The following NELL1 variants were observed in gnomAD, a reference collection of about 807,000 sequenced individuals.
NELL1 encodes the protein neural EGFL like 1.
NELL1 carries 76 observed loss-of-function variants against 107.4 expected under a neutral mutation model. That is an observed-to-expected ratio of 0.71 (90% confidence interval 0.59 to 0.86). The LOEUF (loss-of-function observed/expected upper bound fraction) is 0.86. NELL1 is among the 40% of genes least tolerant of loss of function. The probability of loss-of-function intolerance (pLI) is 0.00; values close to 1 mark genes in which losing one functional copy is unlikely to be tolerated. For missense variants in NELL1, 1,024 were observed against 1,005.5 expected, an observed-to-expected ratio of 1.02 and a Z score of -0.25; for synonymous variants, 353 against 341.2, an observed-to-expected ratio of 1.03 and a Z score of -0.38.
At position 21,023,643 on chromosome 11, in the gene NELL1, A is replaced by G. The variant is rs1852750547; in HGVS notation, c.1300+63083A>G. ...GGGAATACTCCCTACCTAGAAAACA[A>G]CTTCCTGCATGTCTTACTACTTAGA... On this transcript the variant is annotated intron_variant, in intron 12 of 19. Coordinates refer to ENST00000357134, the MANE Select transcript of NELL1 (RefSeq NM_006157.5). Among the ~76,000 whole-genome samples, 3 of 152,066 alleles carry G rather than the reference A, an allele frequency of 2.0e-5. No individual in the cohort carries two copies. In the South Asian group the frequency reaches 6.2e-4, roughly 31 times the overall value.
chr11:20,732,721 G>A (rs1288113696), intron 2 of NELL1, among the ~76,000 whole-genome samples: 1 of 152,194 alleles, frequency 6.6e-6, no homozygotes, highest in Non-Finnish European at 1.5e-5. Flanking sequence ...ATGAGTTCAT[G>A]TGGCAAGACA....
At chr11:20,823,840 C>T (rs1333204617) in intron 3 of NELL1, among the ~76,000 whole-genome samples, 2 of 151,210 alleles carry the variant, frequency 1.3e-5, no homozygotes, top group Non-Finnish European at 3.0e-5. Context: ...AATGCCCCTG[C>T]ACCTGCCCCG....
At chr11:21,099,816 T>G (rs1469771211) in intron 12 of NELL1, among the ~76,000 whole-genome samples, 1 of 152,192 alleles carries the variant, frequency 6.6e-6, no homozygotes, top group Non-Finnish European at 1.5e-5. Flanking sequence ...CTCAGGGGCA[T>G]GCCTGTTTTC....
At chr11:21,216,714 A>G (rs559851560) in intron 13 of NELL1, among the ~76,000 whole-genome samples, 2 of 152,132 alleles carry the variant, frequency 1.3e-5, no homozygotes, top group Non-Finnish European at 2.9e-5. Context: ...GAGCACGTAT[A>G]TTTGCCCAAT....
chr11:21,144,885 G>A (rs1855943911), intron 13 of NELL1, among the ~76,000 whole-genome samples: 1 of 152,140 alleles, frequency 6.6e-6, no homozygotes, highest in South Asian at 2.1e-4. Flanking sequence ...GCTGTTTCAT[G>A]GTGCTCTTTA....
At chr11:20,744,042 C>A (rs1030438278) in intron 2 of NELL1, among the ~76,000 whole-genome samples, 1 of 152,068 alleles carries the variant, frequency 6.6e-6, no homozygotes, top group African/African-American at 2.4e-5. Context: ...TGATTAGTAC[C>A]ATCTCCTCTA....
At chr11:21,378,022 A>C (rs1851519256) in intron 15 of NELL1, among the ~76,000 whole-genome samples, 2 of 152,034 alleles carry the variant, frequency 1.3e-5, no homozygotes, top group Middle Eastern at 3.2e-3. Context: ...TGTAATTAGC[A>C]GTACACCTCC....
intron 14 of NELL1, among the ~76,000 whole-genome samples, chr11:21,325,826 G>A (rs1292011532): frequency 6.6e-6 from 1 of 151,866 alleles, no homozygotes; most frequent in Non-Finnish European, 1.5e-5. Flanking sequence ...CAACTGATCT[G>A]ATTTCTTTCA....
intron 2 of NELL1, among the ~76,000 whole-genome samples, chr11:20,771,586 A>G (rs1479900115): frequency 6.6e-6 from 1 of 152,202 alleles, no homozygotes; most frequent in Non-Finnish European, 1.5e-5. Context: ...GAAAAGTCAT[A>G]TGATTAAGAT....
rs530144908 is a variant in NELL1 at position 20,751,764 on chromosome 11, A to G, written c.185-31916A>G. ...CTCAGCCTTCTGAGTCATTGGGATT[A>G]CAGACGTTAATCACCATGGCCAGCT... On this transcript the variant is annotated intron_variant, in intron 2 of 19. Transcript: ENST00000357134. Among the ~76,000 whole-genome samples, 8 of 152,326 alleles carry G rather than the reference A, an allele frequency of 5.3e-5. No homozygotes were observed. In the East Asian group the frequency reaches 1.5e-3, roughly 29 times the overall value.
intron 3 of NELL1, among the ~76,000 whole-genome samples, chr11:20,840,722 T>G (rs1204164292): frequency 1.3e-5 from 2 of 152,220 alleles, no homozygotes; most frequent in Non-Finnish European, 1.5e-5. Context: ...AAGCATTACT[T>G]TTGCCCTTAA....
At chr11:20,872,160 C>T (rs1197094910) in intron 4 of NELL1, among the ~76,000 whole-genome samples, 1 of 147,734 alleles carries the variant, frequency 6.8e-6, no homozygotes, top group Non-Finnish European at 1.5e-5. Flanking sequence ...CAAATGAGTC[C>T]TCTATCAGAG....
intron 4 of NELL1, among the ~76,000 whole-genome samples, chr11:20,877,518 T>C (rs540413634): frequency 5.1e-4 from 77 of 152,376 alleles, no homozygotes; most frequent in African/African-American, 1.8e-3. Context: ...TCTGAGGGTT[T>C]TATCTATTAA....
chr11:21,101,999 C>A (rs959284587), intron 12 of NELL1, among the ~76,000 whole-genome samples: 3 of 152,200 alleles, frequency 2.0e-5, no homozygotes, highest in Admixed American at 6.5e-5. Flanking sequence ...ATTACAGGTG[C>A]TTGCCACTGT....
chr11:21,188,359 G>A (rs1156475619), intron 13 of NELL1, among the ~76,000 whole-genome samples: 1 of 151,650 alleles, frequency 6.6e-6, no homozygotes, highest in Non-Finnish European at 1.5e-5. Flanking sequence ...AAGAATAACT[G>A]CACCCCAGCC....
At chr11:21,570,002 A>ACAGACATAAAAAAAAGACATG in intron 17 of NELL1, among the ~76,000 whole-genome samples, 1 of 151,886 alleles carries the variant, frequency 6.6e-6, no homozygotes, top group Non-Finnish European at 1.5e-5. Flanking sequence ...ACTGTAAGCA[A>ACAGACATAAAAAAAAGACATG]CAGACATAAA....
intron 13 of NELL1, among the ~76,000 whole-genome samples, chr11:21,119,947 C>T (rs923714116): frequency 6.6e-6 from 1 of 151,936 alleles, no homozygotes; most frequent in Admixed American, 6.6e-5. Flanking sequence ...AAGCATGCAG[C>T]GATAAGACAG....
chr11:21,509,817 CT>C (rs944963665), intron 15 of NELL1, among the ~76,000 whole-genome samples: 2 of 152,114 alleles, frequency 1.3e-5, no homozygotes, highest in Non-Finnish European at 2.9e-5. Context: ...ATCCTTTACA[CT>C]TTTTTGGATT....
At chr11:21,326,486 T>C (rs1850145359) in intron 14 of NELL1, among the ~76,000 whole-genome samples, 2 of 152,118 alleles carry the variant, frequency 1.3e-5, no homozygotes, top group South Asian at 4.1e-4. Context: ...TTATAAACTC[T>C]CAAATACATG....
Sources: allele counts gnomAD v4.1 joint callset (sites outside exome capture counted in the v4.1 genomes callset), GRCh38; gene constraint gnomAD v4.1.1; transcripts MANE v1.5; gene names NCBI Gene and HGNC (gene_info 2026-07-23, HGNC 2026-07-21).